Variants in ANKRD30B observed in about 807,000 individuals in gnomAD.
ANKRD30B encodes the protein ankyrin repeat domain 30B.
ANKRD30B carries 144 observed loss-of-function variants against 202.2 expected under a neutral mutation model. That is an observed-to-expected ratio of 0.71 (90% CI 0.62 to 0.82). The LOEUF is 0.82. ANKRD30B is among the 40% of genes least tolerant of loss of function. ANKRD30B has a pLI of 0.00. For missense variants in ANKRD30B, 1,487 were observed against 1,669.1 expected (o/e 0.89, Z 1.90); for synonymous variants, 508 against 561.3 (o/e 0.91, Z 1.34).
At chr18:14,865,631 A>G in the ANKRD30B span, among the ~76,000 whole-genome samples, 319 of 147,704 alleles carry the variant, frequency 2.2e-3, no homozygotes, top group African/African-American at 7.6e-3. Context: ...TTTTTTCCCA[A>G]CATCTTTTCC....
chr18:14,925,548 GTT>G, the ANKRD30B span, among the ~76,000 whole-genome samples: 1 of 152,236 alleles, frequency 6.6e-6, no homozygotes, highest in Non-Finnish European at 1.5e-5. Flanking sequence ...GATGGAAAGT[GTT>G]ATTTTGCCAG....
At chr18:14,798,177 A>G (rs543590250) in intron 20 of ANKRD30B, among the ~76,000 whole-genome samples, 11 of 148,328 alleles carry the variant, frequency 7.4e-5, no homozygotes, top group Non-Finnish European at 1.6e-4. Flanking sequence ...TGTCCAGGAG[A>G]ATCACCGCCT....
At chr18:14,762,472 C>T (rs1167480555) in intron 6 of ANKRD30B, among the ~76,000 whole-genome samples, 2 of 152,082 alleles carry the variant, frequency 1.3e-5, no homozygotes, top group East Asian at 1.9e-4. Flanking sequence ...TGTTGAGAAG[C>T]GCAGGTTATG....
chr18:14,832,655 A>G (rs1188559043), intron 34 of ANKRD30B, among the ~76,000 whole-genome samples: 2 of 152,340 alleles, frequency 1.3e-5, no homozygotes, highest in East Asian at 3.9e-4. Flanking sequence ...ATGAATTTTT[A>G]TGTAATGGAA....
At chr18:14,888,861 T>C in the ANKRD30B span, 6 of 929,804 alleles carry the variant, frequency 6.5e-6, no homozygotes. Context: ...TTTTCCAGAA[T>C]TAGTCCTTTG....
intron 12 of ANKRD30B, among the ~76,000 whole-genome samples, chr18:14,783,228 A>G (rs984013894): frequency 6.6e-6 from 1 of 152,182 alleles, no homozygotes; most frequent in African/African-American, 2.4e-5. Flanking sequence ...ATAGACCAAT[A>G]CTTATGAAAC....
chr18:14,754,063 G>GA (rs997921851), intron 3 of ANKRD30B, among the ~76,000 whole-genome samples: 1 of 152,070 alleles, frequency 6.6e-6, no homozygotes, highest in African/African-American at 2.4e-5. Flanking sequence ...TAATAGCCGA[G>GA]AAAAAATTCT....
chr18:14,792,729 A>T lies in ANKRD30B; in HGVS notation c.1825+1238A>T, dbSNP rs9748483. On this transcript the variant is annotated intron_variant, in intron 16 of 43. Transcript: ENST00000690538. ...TTTTCTTTATTACTATGAGGCATCA[A>T]ATATATATATATATATATATGTATA... 8.5e-3 allele frequency among the ~76,000 whole-genome samples: 1,260 copies of T among 148,486 alleles called. 21 individuals are homozygous for T. The highest frequency in any genetic ancestry group is 0.03 in the African/African-American group (1,217 of 40,502).
intron 30 of ANKRD30B, chr18:14,816,525 AGTCC>A (rs1285915559): frequency 6.6e-6 from 1 of 151,884 alleles, no homozygotes; most frequent in Admixed American, 6.6e-5. Flanking sequence ...GGGTGCCTCT[AGTCC>A]CAGCTACTCG....
chr18:14,777,615 TA>T (rs200916192), intron 9 of ANKRD30B, among the ~76,000 whole-genome samples: 1,741 of 152,156 alleles, frequency 0.011, 40 homozygotes, highest in African/African-American at 0.04. Flanking sequence ...AGATTTTAAA[TA>T]AAAAATATTG....
In ANKRD30B at chr18:14,763,819, A is replaced by G. The variant is rs1915653774; in HGVS notation, c.954A>G (p.Gln318=). 6.2e-7 allele frequency: 1 copy of G among 1,613,820 alleles called. No homozygotes were observed. The highest frequency in any genetic ancestry group is 2.2e-5 in the East Asian group (1 of 44,872). Residue 318 remains glutamine, a synonymous_variant, in exon 7 of 44, where the codon CAA becomes CAG. Transcript: ENST00000690538. The part of the protein sequence containing the change: ...RLVEGTSAKI[Q]CLGKATSGKF... ...TGGAGGGAACGTCTGCCAAAATTCA[A>G]TGTCTGGGGAAAGCAACATCTGGAA... is the stretch of plus-strand genomic sequence containing the variant.
At chr18:14,763,346 T>C (rs1915557438) in intron 6 of ANKRD30B, among the ~76,000 whole-genome samples, 1 of 152,068 alleles carries the variant, frequency 6.6e-6, no homozygotes, top group Non-Finnish European at 1.5e-5. Flanking sequence ...CTCAGGAATT[T>C]GAGACTAGCC....
intron 8 of ANKRD30B, among the ~76,000 whole-genome samples, chr18:14,770,157 A>G (rs1966902637): frequency 6.6e-6 from 1 of 150,592 alleles, no homozygotes; most frequent in African/African-American, 2.4e-5. Flanking sequence ...TCCTTTCCTG[A>G]TTACTTTCTT....
chr18:14,886,617 T>C, the ANKRD30B span, among the ~76,000 whole-genome samples: 1 of 152,088 alleles, frequency 6.6e-6, no homozygotes, highest in South Asian at 2.1e-4. Flanking sequence ...TATTTCTATT[T>C]AAGTTTCTGT....
At chr18:14,760,482 T>A in intron 5 of ANKRD30B, 72 bp from the exon 6 acceptor site, 1 of 847,738 alleles carries the variant, frequency 1.2e-6, no homozygotes, top group Non-Finnish European at 1.8e-6. Flanking sequence ...CTCTAAGAAC[T>A]TAATAAATTT....
intron 7 of ANKRD30B, among the ~76,000 whole-genome samples, chr18:14,768,871 T>G (rs1916667406): frequency 6.6e-6 from 1 of 152,230 alleles, no homozygotes; most frequent in Non-Finnish European, 1.5e-5. Context: ...CTGTTTGGAT[T>G]ATGACTATTG....
chr18:14,864,415 A>G, the ANKRD30B span, among the ~76,000 whole-genome samples: 1 of 152,306 alleles, frequency 6.6e-6, no homozygotes, highest in Admixed American at 6.5e-5. Context: ...AGCAGAGTGG[A>G]AGAGTATTAA....
At chr18:14,834,561 G>A (rs1971091199) in intron 34 of ANKRD30B, among the ~76,000 whole-genome samples, 1 of 151,894 alleles carries the variant, frequency 6.6e-6, no homozygotes, top group South Asian at 2.1e-4. Flanking sequence ...ATAAAAGATA[G>A]CTCAGGTGTT....
At chr18:14,832,210 A>C (rs1183275239) in intron 34 of ANKRD30B, among the ~76,000 whole-genome samples, 1 of 152,162 alleles carries the variant, frequency 6.6e-6, no homozygotes, top group Non-Finnish European at 1.5e-5. Flanking sequence ...TTTTGAATAT[A>C]ATTTAGAAAT....
Sources: gnomAD v4.1 joint callset for allele counts (sites outside exome capture counted in the v4.1 genomes callset) on GRCh38, gnomAD v4.1.1 for gene constraint, MANE v1.5 for transcripts, NCBI Gene and HGNC (gene_info 2026-07-23, HGNC 2026-07-21) for gene names.